The following CNTN5 variants were observed in gnomAD, a reference collection of about 807,000 sequenced individuals.
CNTN5 encodes contactin 5.
In CNTN5, 77 loss-of-function variants were observed where a neutral mutation model predicts 129.1. The observed-to-expected ratio is 0.60, with a 90% CI of 0.50 to 0.72. The LOEUF is 0.72. CNTN5 is among the 30% of genes least tolerant of loss of function. The pLI, the probability that CNTN5 is intolerant of heterozygous loss-of-function variation, is 0.00. For synonymous variants in CNTN5, 509 were observed against 465.6 expected (o/e 1.09, Z -1.20); for missense variants, 1,478 against 1,328.8 (o/e 1.11, Z -1.75).
chr11:100,099,828 T>C (rs1945158273), intron 13 of CNTN5, among the ~76,000 whole-genome samples: 1 of 152,092 alleles, frequency 6.6e-6, no homozygotes, highest in Non-Finnish European at 1.5e-5. Context: ...CTAAGTTACG[T>C]GTTATCTCAT....
At chr11:100,043,676 T>G (rs1452112675) in intron 9 of CNTN5, among the ~76,000 whole-genome samples, 1 of 152,088 alleles carries the variant, frequency 6.6e-6, no homozygotes, top group East Asian at 1.9e-4. Flanking sequence ...CCAGGAACAT[T>G]TTTTGCCTCC....
chr11:99,216,290 G>T (rs4550188), intron 1 of CNTN5, among the ~76,000 whole-genome samples: 107,755 of 151,872 alleles, frequency 0.71, 38,604 homozygotes, highest in East Asian at 0.85. Context: ...TAACATAAAG[G>T]CCTCCAATTC....
intron 1 of CNTN5, among the ~76,000 whole-genome samples, chr11:99,032,155 C>G (rs1329946157): frequency 6.6e-6 from 1 of 151,982 alleles, no homozygotes; most frequent in Non-Finnish European, 1.5e-5. Flanking sequence ...TTTTCTTAAT[C>G]CAGTCTATCA....
intron 3 of CNTN5, among the ~76,000 whole-genome samples, chr11:99,807,467 A>T (rs1374588974): frequency 6.6e-6 from 1 of 152,188 alleles, no homozygotes; most frequent in Non-Finnish European, 1.5e-5. Context: ...TAATTAATTA[A>T]ATGCTTCTGA....
chr11:100,195,424 C>CT (rs1049762080), intron 15 of CNTN5, among the ~76,000 whole-genome samples: 4 of 151,808 alleles, frequency 2.6e-5, no homozygotes, highest in African/African-American at 9.7e-5. Flanking sequence ...CAATAAATAC[C>CT]TTTTTTTCCA....
intron 1 of CNTN5, among the ~76,000 whole-genome samples, chr11:99,267,878 GCTCT>G (rs140841758): frequency 4.0e-5 from 6 of 149,206 alleles, no homozygotes; most frequent in Non-Finnish European, 8.9e-5. Context: ...CCCTCCTTGT[GCTCT>G]CTCTCTCTTT....
intron 6 of CNTN5, among the ~76,000 whole-genome samples, chr11:99,858,157 A>G (rs1034476743): frequency 1.1e-4 from 17 of 152,166 alleles, no homozygotes; most frequent in African/African-American, 3.9e-4. Context: ...GGATGAATTT[A>G]GAGAATTGTC....
chr11:99,709,074 T>A (rs1041190206), intron 3 of CNTN5, among the ~76,000 whole-genome samples: 1 of 151,906 alleles, frequency 6.6e-6, no homozygotes, highest in East Asian at 1.9e-4. Flanking sequence ...TAAAATTTTC[T>A]AAATGACATG....
intron 2 of CNTN5, among the ~76,000 whole-genome samples, chr11:99,387,358 A>C (rs939136435): frequency 6.6e-6 from 1 of 152,156 alleles, no homozygotes; most frequent in African/African-American, 2.4e-5. Context: ...TTGCAAAGGG[A>C]AATTTTGATA....
rs11223155 is a variant in CNTN5, at chr11:100,189,233, A to G, written c.1581-1893A>G. Among the ~76,000 whole-genome samples, 792 of 151,540 alleles carry G rather than the reference A, an allele frequency of 5.2e-3. 6 individuals carry two copies. Among genetic ancestry groups the G allele is most frequent in the African/African-American group, 0.018 (733 of 41,200 alleles). ...CCCATGTATCCCCTGGATCTAAAAT[A>G]AAAGTTAAAATTATAAAATAAATAA... On this transcript the variant is annotated intron_variant, in intron 13 of 24. Transcript: ENST00000524871.
intron 3 of CNTN5, among the ~76,000 whole-genome samples, chr11:99,658,098 A>T (rs1952448116): frequency 6.6e-6 from 1 of 152,128 alleles, no homozygotes; most frequent in Admixed American, 6.6e-5. Context: ...TGTGAACAAA[A>T]CACCTCTTGT....
At chr11:99,059,657 C>T (rs1343872244) in intron 1 of CNTN5, among the ~76,000 whole-genome samples, 1 of 152,042 alleles carries the variant, frequency 6.6e-6, no homozygotes, top group Non-Finnish European at 1.5e-5. Flanking sequence ...ATCCTATTTA[C>T]AATCTGTATT....
chr11:100,241,859 C>T (rs563571914), intron 16 of CNTN5, among the ~76,000 whole-genome samples: 101 of 152,306 alleles, frequency 6.6e-4, no homozygotes, highest in Admixed American at 2.5e-3. Flanking sequence ...AAAGTAACTG[C>T]CTGAAGCATC....
At chr11:99,871,242 G>GA (rs1175824968) in intron 6 of CNTN5, among the ~76,000 whole-genome samples, 1 of 151,846 alleles carries the variant, frequency 6.6e-6, no homozygotes, top group African/African-American at 2.4e-5. Context: ...TCAGTGTATA[G>GA]AAAAATATTA....
intron 13 of CNTN5, among the ~76,000 whole-genome samples, chr11:100,109,602 G>A (rs1024459158): frequency 6.6e-6 from 1 of 151,980 alleles, no homozygotes; most frequent in Non-Finnish European, 1.5e-5. Flanking sequence ...TAATGAGAGA[G>A]AAAAAAATTG....
intron 6 of CNTN5, among the ~76,000 whole-genome samples, chr11:99,889,529 C>CTTT (rs59095048): frequency 2.3e-5 from 3 of 128,302 alleles, no homozygotes; most frequent in Non-Finnish European, 5.0e-5. Flanking sequence ...ACTAGACATT[C>CTTT]TTTTTTTTTT....
At chr11:99,910,268 C>A (rs548499469) in intron 6 of CNTN5, among the ~76,000 whole-genome samples, 93 of 152,106 alleles carry the variant, frequency 6.1e-4, no homozygotes, top group African/African-American at 2.2e-3. Context: ...CAATAAAATA[C>A]CAAAAACCTT....
intron 3 of CNTN5, among the ~76,000 whole-genome samples, chr11:99,723,682 T>C (rs1488817865): frequency 6.6e-6 from 1 of 152,126 alleles, no homozygotes; most frequent in Admixed American, 6.5e-5. Context: ...ACAATGTTAT[T>C]TTCTATTTTG....
chr11:100,345,663 G>T (rs1952263925), intron 23 of CNTN5, among the ~76,000 whole-genome samples: 1 of 151,616 alleles, frequency 6.6e-6, no homozygotes, highest in Non-Finnish European at 1.5e-5. Flanking sequence ...AGATGGAATT[G>T]AACCACATAT....
Sources: allele counts gnomAD v4.1 joint callset (sites outside exome capture counted in the v4.1 genomes callset), GRCh38; gene constraint gnomAD v4.1.1; transcripts MANE v1.5; gene names NCBI Gene and HGNC (gene_info 2026-07-23, HGNC 2026-07-21).